Variants in PTPRQ observed in about 807,000 individuals in gnomAD.
PTPRQ encodes phosphatidylinositol phosphatase PTPRQ.
Under a neutral mutation model 246.0 loss-of-function variants are expected in PTPRQ, and 199 were observed. The ratio of observed to expected loss-of-function variants is 0.81; its 90% CI spans 0.72 to 0.91. The LOEUF (loss-of-function observed/expected upper bound fraction) is 0.91. PTPRQ is among the 40% of genes least tolerant of loss of function. PTPRQ has a pLI of 0.00. For synonymous variants in PTPRQ, 869 were observed against 853.2 expected, an observed-to-expected ratio of 1.02 and a Z score of -0.32; for missense variants, 2,624 against 2,528.4, an observed-to-expected ratio of 1.04 and a Z score of -0.81.
intron 9 of PTPRQ, among the ~76,000 whole-genome samples, chr12:80,490,289 C>G (rs950797723): frequency 2.0e-5 from 3 of 151,976 alleles, no homozygotes; most frequent in Non-Finnish European, 4.4e-5. Flanking sequence ...ATAAGTCAAA[C>G]ATTTCATTAA....
At chr12:80,658,502 A>G (rs1274986695) in intron 39 of PTPRQ, among the ~76,000 whole-genome samples, 1 of 151,842 alleles carries the variant, frequency 6.6e-6, no homozygotes, top group African/African-American at 2.4e-5. Flanking sequence ...TCATAGGTAC[A>G]TTGAAACCTT....
chr12:80,542,112 A>G lies in PTPRQ; in HGVS notation c.3469A>G (p.Asn1157Asp). The G allele has an allele frequency of 6.5e-7, 1 of 1,548,792 alleles. No individual in the cohort carries two copies. The highest frequency in any genetic ancestry group is 8.7e-7 in the Non-Finnish European group (1 of 1,146,270). The change falls in exon 22 of 45, where the codon AAC (asparagine) becomes GAC (aspartate). Residue 1157 changes from asparagine (N) to aspartate (D), a missense_variant. Asn to Asp is a conservative substitution (Grantham distance 23, BLOSUM62 1). Transcript: ENST00000644991. ...EDVPETSPII[N>D]TFKNLSSTSV... is the part of the protein sequence containing the mutation. ...AGTCCCAGAAACTTCACCAATAATC[A>G]ACACTTTTAAAAACCTTTCCTCTAC...
chr12:80,557,946 T>C (rs2120903527), intron 25 of PTPRQ, among the ~76,000 whole-genome samples: 1 of 152,192 alleles, frequency 6.6e-6, no homozygotes, highest in East Asian at 1.9e-4. Context: ...TTTAACAATG[T>C]TATATAAGTG....
chr12:80,549,025 T>C (rs1896390134), intron 24 of PTPRQ, among the ~76,000 whole-genome samples: 2 of 151,966 alleles, frequency 1.3e-5, no homozygotes, highest in African/African-American at 4.8e-5. Flanking sequence ...TAGTTAGGGG[T>C]TTCCAAGTAC....
At chr12:80,625,654 T>A in intron 33 of PTPRQ, among the ~76,000 whole-genome samples, 1 of 152,144 alleles carries the variant, frequency 6.6e-6, no homozygotes, top group East Asian at 1.9e-4. Context: ...CAGGTAGAAC[T>A]TCACTGGATG....
At chr12:80,549,792 C>A in intron 25 of PTPRQ, 58 bp downstream of exon 25, 1 of 1,476,202 alleles carries the variant, frequency 6.8e-7, no homozygotes, top group South Asian at 1.4e-5. Flanking sequence ...GGGATTGTGT[C>A]AATACCACCT....
intron 17 of PTPRQ, among the ~76,000 whole-genome samples, chr12:80,517,489 T>C (rs969930509): frequency 2.6e-5 from 4 of 152,106 alleles, no homozygotes; most frequent in Admixed American, 6.6e-5. Flanking sequence ...CAAGCATTTG[T>C]CCTTAGTGTT....
intron 3 of PTPRQ, among the ~76,000 whole-genome samples, 177 bp from the exon 4 acceptor site, chr12:80,457,398 A>G (rs1364280837): frequency 2.0e-5 from 3 of 152,120 alleles, no homozygotes; most frequent in African/African-American, 7.2e-5. Flanking sequence ...AATTTTGACA[A>G]TAATACTTTA....
Position 80,619,459 on chromosome 12 carries a change from T to C in PTPRQ, c.5306T>C (p.Ile1769Thr). 1 of 1,548,308 alleles carries C rather than the reference T, an allele frequency of 6.5e-7. No individual in the cohort carries two copies. Among genetic ancestry groups the C allele is most frequent in the Non-Finnish European group, 8.7e-7 (1 of 1,144,854 alleles). ...TGKLLVTSTT[I>T]TIRMPICYYS... is the part of the protein sequence containing the mutation. ...AAACTGCTTGTGACTTCAACAACAA[T>C]TACAATCAGAATGCCAATATGTTAC... The change falls in exon 31 of 45, where the codon ATT becomes ACT. Residue 1769 changes from isoleucine (I) to threonine (T), a missense_variant. Coordinates refer to ENST00000644991, the MANE Select transcript of PTPRQ (RefSeq NM_001145026.2).
chr12:80,479,901 T>C (rs1355596945), intron 8 of PTPRQ, among the ~76,000 whole-genome samples: 1 of 151,478 alleles, frequency 6.6e-6, no homozygotes, highest in Non-Finnish European at 1.5e-5. Context: ...CAAAGAGACT[T>C]AGACTCCCAC....
chr12:80,510,291 AAAACACATT>A, intron 16 of PTPRQ, 23 bp from the exon 17 acceptor site: 2 of 1,457,094 alleles, frequency 1.4e-6, no homozygotes, highest in Non-Finnish European at 1.8e-6. Flanking sequence ...TATGTTTAAT[AAAACACATT>A]ATTCTATACC....
In PTPRQ at chr12:80,658,070, C is replaced by T; in HGVS notation, c.6192+9C>T. The T allele has an allele frequency of 7.5e-7, 1 of 1,327,830 alleles. No individual in the cohort carries two copies. The highest frequency in any genetic ancestry group is 1.5e-5 in the African/African-American group (1 of 65,536). 82.3% of individuals were successfully genotyped at this position (1,327,830 alleles called of 1,614,324 possible). A position where few individuals can be genotyped will look rare whatever the true frequency, so the allele number is the denominator to read the frequency against. The stretch of plus-strand genomic sequence containing the variant: ...ATGCCAGCTATATTTCTGTAAGTTA[C>T]TATTTTATATATTTTATAATTGTAT... On this transcript the variant is annotated intron_variant, in intron 39 of 44. Transcript: ENST00000644991.
At chr12:80,530,749 G>A (rs996778975) in intron 17 of PTPRQ, among the ~76,000 whole-genome samples, 2 of 152,010 alleles carry the variant, frequency 1.3e-5, no homozygotes, top group South Asian at 2.1e-4. Context: ...ATTTATGTGA[G>A]TTTGTCAAAA....
intron 7 of PTPRQ, among the ~76,000 whole-genome samples, chr12:80,471,474 A>ATTTTTCTT (rs1893623280): frequency 1.4e-5 from 1 of 73,198 alleles, no homozygotes; most frequent in African/African-American, 5.9e-5. Context: ...ATTATTTAGC[A>ATTTTTCTT]TTTTTTTTTT....
intron 30 of PTPRQ, among the ~76,000 whole-genome samples, chr12:80,617,886 T>C (rs1424362852): frequency 1.3e-5 from 2 of 151,356 alleles, no homozygotes; most frequent in South Asian, 2.1e-4. Flanking sequence ...TCCTGGGGAC[T>C]CCCAAGTGGC....
chr12:80,466,287 T>C (rs1893408641), intron 6 of PTPRQ, among the ~76,000 whole-genome samples: 2 of 152,230 alleles, frequency 1.3e-5, no homozygotes, highest in South Asian at 4.1e-4. Context: ...TACCTAGGAA[T>C]CCAACTTACA....
At chr12:80,484,246 A>T (rs1466417540) in intron 8 of PTPRQ, among the ~76,000 whole-genome samples, 187 bp from the exon 9 acceptor site, 1 of 152,084 alleles carries the variant, frequency 6.6e-6, no homozygotes, top group Non-Finnish European at 1.5e-5. Context: ...ACCTCAGGTG[A>T]TTGGCCTCCC....
chr12:80,644,945 C>T (rs1245493867), intron 35 of PTPRQ, among the ~76,000 whole-genome samples: 1 of 152,016 alleles, frequency 6.6e-6, no homozygotes, highest in Non-Finnish European at 1.5e-5. Flanking sequence ...AATGTCTTCT[C>T]AATTTGAGCA....
At chr12:80,461,825 C>A (rs532565980) in intron 6 of PTPRQ, among the ~76,000 whole-genome samples, 1 of 151,042 alleles carries the variant, frequency 6.6e-6, no homozygotes. Context: ...TTGAATTATA[C>A]CATTTTCTTC....
Sources: gnomAD v4.1 joint callset for allele counts (sites outside exome capture counted in the v4.1 genomes callset) on GRCh38, gnomAD v4.1.1 for gene constraint, MANE v1.5 for transcripts, NCBI Gene and HGNC (gene_info 2026-07-23, HGNC 2026-07-21) for gene names.